DCT: variants seen among roughly 807,000 people sequenced by gnomAD.
DCT encodes L-dopachrome tautomerase.
In DCT, 47 loss-of-function variants were observed where a neutral mutation model predicts 53.0. The ratio of observed to expected loss-of-function variants is 0.89; its 90% confidence interval spans 0.70 to 1.13. The LOEUF (loss-of-function observed/expected upper bound fraction) is 1.13. Among genes scored for constraint, DCT ranks in the 50% most tolerant of loss-of-function variants. The probability of loss-of-function intolerance (pLI) is 0.00; values close to 1 mark genes in which losing one functional copy is unlikely to be tolerated. For missense variants in DCT, 669 were observed against 637.4 expected (o/e 1.05, Z -0.53); for synonymous variants, 244 against 237.0 (o/e 1.03, Z -0.27).
At chr13:94,457,211 CTG>C (rs1387789646) in intron 6 of DCT, among the ~76,000 whole-genome samples, 2 of 152,204 alleles carry the variant, frequency 1.3e-5, no homozygotes, top group Non-Finnish European at 2.9e-5. Context: ...CTGGACTGAA[CTG>C]TGTTTCCCCA....
chr13:94,485,054 C>T, the DCT span, among the ~76,000 whole-genome samples: 82 of 140,510 alleles, frequency 5.8e-4, no homozygotes, highest in Non-Finnish European at 8.7e-4. Flanking sequence ...TGAAAATGAC[C>T]GAATGTCAAG....
the DCT span, among the ~76,000 whole-genome samples, chr13:94,515,476 C>A: frequency 6.6e-6 from 1 of 152,142 alleles, no homozygotes; most frequent in African/African-American, 2.4e-5. Flanking sequence ...AAGTAAACAC[C>A]ATGGTTAAGG....
chr13:94,486,479 A>G, the DCT span, among the ~76,000 whole-genome samples: 11 of 152,324 alleles, frequency 7.2e-5, no homozygotes, highest in African/African-American at 2.6e-4. Flanking sequence ...GCCTTGCATT[A>G]ACTAAATTAC....
chr13:94,458,444 G>A (rs1373703399), intron 6 of DCT, among the ~76,000 whole-genome samples: 1 of 152,126 alleles, frequency 6.6e-6, no homozygotes, highest in Non-Finnish European at 1.5e-5. Context: ...GCTGAACAGT[G>A]TAGCCCTGAC....
At position 94,479,556 on chromosome 13, in the gene DCT, G is replaced by T. The variant is rs923552702; in HGVS notation, c.-301C>A. ...GTAGCGCTTCTCACCATCTTCCCCC[G>T]TTAAGTCAGGCTTTGTCTAATTGAG... On this transcript the variant is annotated 5_prime_UTR_variant, in exon 1 of 8. Coordinates refer to ENST00000377028, the MANE Select transcript of DCT (RefSeq NM_001922.5). 1 of 277,954 alleles carries T rather than the reference G, an allele frequency of 3.6e-6. No individual in the cohort carries two copies. The highest frequency in any genetic ancestry group is 4.7e-5 in the Admixed American group (1 of 21,152). The allele number at this position is 277,954 out of a possible 1,614,324, so 17.2% of individuals were successfully genotyped here.
chr13:94,461,036 C>T (rs1044358812), intron 5 of DCT, among the ~76,000 whole-genome samples: 1 of 152,100 alleles, frequency 6.6e-6, no homozygotes, highest in Admixed American at 6.6e-5. Flanking sequence ...ACACAGCCTT[C>T]AGAGTAGTGT....
chr13:94,458,695 G>A (rs112359843), intron 6 of DCT, among the ~76,000 whole-genome samples: 7,829 of 151,938 alleles, frequency 0.052, 301 homozygotes, highest in Non-Finnish European at 0.079. Context: ...CCAGCTACTT[G>A]GGAGGCTGAG....
rs1566867779 is a variant in DCT at position 94,479,114 on chromosome 13, ACT to A, written c.140_141del (p.Glu47ValfsTer35). ...TGCTGAGAGCCACAGACATTGGCCG[ACT>A]CTGCACCCAGGCGTGGGCAGCACTC... ...NKECCPRLGA[E>X]SANVCGSQQG... On this transcript the variant is annotated frameshift_variant, in exon 1 of 8. Coordinates refer to ENST00000377028, the MANE Select transcript of DCT (RefSeq NM_001922.5). LOFTEE classifies it high-confidence loss of function. 4 of 1,614,010 alleles carry A rather than the reference ACT, an allele frequency of 2.5e-6. No individual in the cohort carries two copies. Among genetic ancestry groups the A allele is most frequent in the Non-Finnish European group, 3.4e-6 (4 of 1,179,992 alleles).
Position 94,479,032 on chromosome 13 carries a change from T to C in DCT, c.224A>G (p.Tyr75Cys), listed in dbSNP as rs1426322609. Residue 75 changes from tyrosine to cysteine, a missense_variant, in exon 1 of 8, where the codon TAC (tyrosine) becomes TGC (cysteine). Physicochemically the swap from Tyr to Cys is radical, Grantham distance 194. Transcript: ENST00000377028. ...RADTRPWSGP[Y>C]ILRNQDDREL... ...ACGGTCATCCTGGTTTCGTAGGATG[T>C]AGGGACCACTCCAGGGCCTTGTGTC... The C allele has an allele frequency of 2.5e-6, 4 of 1,614,172 alleles. No homozygotes were observed. Among genetic ancestry groups the C allele is most frequent in the African/African-American group, 1.3e-5 (1 of 75,068 alleles).
the DCT span, among the ~76,000 whole-genome samples, chr13:94,541,568 T>A: frequency 0.26 from 39,887 of 151,940 alleles, 6,533 homozygotes; most frequent in East Asian, 0.61. Context: ...TAGTTAACAA[T>A]AATTTATTGC....
In DCT at chr13:94,466,016, A is replaced by ATATATATAC. The variant is rs1555333551; in HGVS notation, c.697-226_697-218dup. 1.0e-3 allele frequency among the ~76,000 whole-genome samples: 85 copies of ATATATATAC among 80,976 alleles called. 1 individual carries two copies. Among genetic ancestry groups the ATATATATAC allele is most frequent in the South Asian group, 2.1e-3 (5 of 2,426 alleles). The allele number at this position is 80,976 out of a possible 152,430, so 53.1% of individuals were successfully genotyped here. A position where few individuals can be genotyped will look rare whatever the true frequency, so the allele number is the denominator to read the frequency against. ...TATATATATATATATATATATATAT[A>ATATATATAC]TATATATACTGTGTACAATGGAGTA... is the stretch of plus-strand genomic sequence containing the variant. On this transcript the variant is annotated intron_variant, in intron 3 of 7. Transcript: ENST00000377028.
chr13:94,490,504 C>CAAAAAAAAAAAAAAAAAAAAAAAAAAAA, the DCT span, among the ~76,000 whole-genome samples: 16 of 35,486 alleles, frequency 4.5e-4, 1 homozygote, highest in African/African-American at 9.9e-4. Flanking sequence ...GACTCGGTCT[C>CAAAAAAAAAAAAAAAAAAAAAAAAAAAA]AAAAAAAAAA....
intron 1 of DCT, among the ~76,000 whole-genome samples, chr13:94,475,077 T>G (rs1352606842): frequency 2.0e-5 from 3 of 152,132 alleles, no homozygotes; most frequent in African/African-American, 7.2e-5. Flanking sequence ...CAGGTTTCAA[T>G]TCCAAAGATT....
the DCT span, among the ~76,000 whole-genome samples, chr13:94,501,816 T>G: frequency 6.6e-6 from 1 of 152,012 alleles, no homozygotes; most frequent in African/African-American, 2.4e-5. Context: ...AGGGAAGAGT[T>G]CATGAGGGAC....
chr13:94,476,626 T>A (rs1196588286), intron 1 of DCT, among the ~76,000 whole-genome samples: 3 of 151,578 alleles, frequency 2.0e-5, no homozygotes. Context: ...CAGGTGCCCA[T>A]CACCACACCT....
In DCT at chr13:94,465,491, C is replaced by A. The variant is rs555535434; in HGVS notation, c.863+142G>T. The A allele has an allele frequency of 2.1e-5, 13 of 612,648 alleles. No individual in the cohort carries two copies. The African/African-American group carries it at 2.5e-4, about 12-fold the overall frequency. The allele number at this position is 612,648 out of a possible 1,614,324, so 38.0% of individuals were successfully genotyped here. ...GCTTTGAATTTTTGAAATCCCACCT[C>A]CCAGAGGAAAACTGTTTTTAGAAAC... On this transcript the variant is annotated intron_variant, in intron 4 of 7. Coordinates refer to ENST00000377028, the MANE Select transcript of DCT (RefSeq NM_001922.5).
At chr13:94,444,492 G>A (rs1434530925) in intron 6 of DCT, 1 of 444,396 alleles carries the variant, frequency 2.3e-6, no homozygotes, top group African/African-American at 2.0e-5. Context: ...AGCCATTAAA[G>A]TCCTTTTAAA....
rs144365832 is a variant in DCT at position 94,465,739 on chromosome 13, C to T, written c.757G>A (p.Glu253Lys). The change falls in exon 4 of 8, where the codon GAG becomes AAG. Residue 253 changes from glutamate to lysine, a missense_variant. Coordinates refer to ENST00000377028, the MANE Select transcript of DCT (RefSeq NM_001922.5). ...PYWNFATGRN[E>K]CDVCTDQLFG... ...AGCTGGTCTGTACACACATCACACT[C>T]GTTCCTCCCAGTGGCAAAGTTCCAG... 3.7e-4 allele frequency: 591 copies of T among 1,612,724 alleles called. 1 individual carries two copies. In the East Asian group the frequency reaches 5.5e-3, roughly 15 times the overall value.
the DCT span, among the ~76,000 whole-genome samples, chr13:94,544,832 T>C: frequency 6.6e-6 from 1 of 152,144 alleles, no homozygotes; most frequent in Non-Finnish European, 1.5e-5. Flanking sequence ...CCAAGACTAA[T>C]GAAATGAGCA....
Sources: gnomAD v4.1 joint callset for allele counts (sites outside exome capture counted in the v4.1 genomes callset) on GRCh38, gnomAD v4.1.1 for gene constraint, MANE v1.5 for transcripts, NCBI Gene and HGNC (gene_info 2026-07-23, HGNC 2026-07-21) for gene names.